The following DLGAP4 variants were observed in gnomAD, a reference collection of about 807,000 sequenced individuals.
DLGAP4 encodes DLG associated protein 4.
DLGAP4 carries 18 observed loss-of-function variants against 86.9 expected under a neutral mutation model. The ratio of observed to expected loss-of-function variants is 0.21; its 90% CI spans 0.14 to 0.31. The LOEUF (loss-of-function observed/expected upper bound fraction) is 0.31. Ranked by LOEUF, DLGAP4 falls within the 10% of genes least tolerant of loss-of-function variation. The pLI is 1.00. For synonymous variants in DLGAP4, 548 were observed against 574.3 expected (o/e 0.95, Z 0.65); for missense variants, 1,085 against 1,362.6 (o/e 0.80, Z 3.21).
At chr20:36,451,335 T>C (rs1305346521) in intron 7 of DLGAP4, among the ~76,000 whole-genome samples, 2 of 152,196 alleles carry the variant, frequency 1.3e-5, no homozygotes, top group East Asian at 1.9e-4. Context: ...TAGTAGCATC[T>C]GCTACCTGGT....
intron 7 of DLGAP4, among the ~76,000 whole-genome samples, chr20:36,457,151 G>A (rs971264797): frequency 2.0e-5 from 3 of 152,142 alleles, no homozygotes; most frequent in African/African-American, 7.2e-5. Context: ...GTGGCAGAGT[G>A]CAGGGAGGGG....
chr20:36,436,680 G>A (rs1329478030), intron 4 of DLGAP4, among the ~76,000 whole-genome samples: 1 of 152,180 alleles, frequency 6.6e-6, no homozygotes, highest in Admixed American at 6.5e-5. Flanking sequence ...AGCTGGGTTG[G>A]CGGCAGGCGC....
intron 7 of DLGAP4, among the ~76,000 whole-genome samples, chr20:36,492,119 G>A (rs2035689725): frequency 6.6e-6 from 1 of 152,222 alleles, no homozygotes; most frequent in Non-Finnish European, 1.5e-5. Flanking sequence ...CCCAGCGGGG[G>A]AGGAAGTGGC....
intron 1 of DLGAP4, among the ~76,000 whole-genome samples, chr20:36,354,051 G>T (rs1192450829): frequency 6.6e-6 from 1 of 152,230 alleles, no homozygotes; most frequent in African/African-American, 2.4e-5. Context: ...GCCAGCAGGG[G>T]TCAGGTGGGG....
intron 2 of DLGAP4, among the ~76,000 whole-genome samples, chr20:36,367,728 A>T (rs1240120101): frequency 6.6e-6 from 1 of 152,098 alleles, no homozygotes; most frequent in Non-Finnish European, 1.5e-5. Context: ...GGGGCCCTAC[A>T]TTCCTGCCCC....
chr20:36,332,469 A>G (rs556778527), intron 1 of DLGAP4, among the ~76,000 whole-genome samples: 58 of 152,142 alleles, frequency 3.8e-4, no homozygotes, highest in Non-Finnish European at 7.2e-4. Context: ...TGTTCACTGC[A>G]ACCTCTGCCT....
intron 2 of DLGAP4, among the ~76,000 whole-genome samples, chr20:36,367,941 C>G (rs2030755710): frequency 6.6e-6 from 1 of 152,244 alleles, no homozygotes; most frequent in Non-Finnish European, 1.5e-5. Context: ...GAAACAGAGG[C>G]TCAACCAGGT....
intron 2 of DLGAP4, among the ~76,000 whole-genome samples, chr20:36,390,937 C>T (rs1316215437): frequency 3.9e-5 from 6 of 152,060 alleles, no homozygotes; most frequent in African/African-American, 1.4e-4. Context: ...TGGGACCTGA[C>T]CTTGATCCAA....
intron 7 of DLGAP4, among the ~76,000 whole-genome samples, chr20:36,471,053 A>G (rs1404523080): frequency 1.3e-5 from 2 of 152,074 alleles, no homozygotes; most frequent in East Asian, 3.9e-4. Context: ...GTATTTTTTA[A>G]TTGCCTTCTT....
intron 7 of DLGAP4, among the ~76,000 whole-genome samples, chr20:36,451,209 T>C (rs934972375): frequency 6.6e-6 from 1 of 152,224 alleles, no homozygotes; most frequent in Non-Finnish European, 1.5e-5. Context: ...TAACTTCGAG[T>C]GCCAAAAGCC....
chr20:36,307,435 C>G (rs1233001203), intron 1 of DLGAP4, among the ~76,000 whole-genome samples: 5 of 152,236 alleles, frequency 3.3e-5, no homozygotes, highest in African/African-American at 1.2e-4. Flanking sequence ...CTCCATCCCT[C>G]CATCCCTCCG....
In DLGAP4 at chr20:36,451,747, A is replaced by C. The variant is rs551755658; in HGVS notation, c.1648+4810A>C. Reference sequence around the variant, plus strand: ...CTTAACTGGCCATGACCTTGGTTTCATCTTTGCCCTGAGGCTGTATTTTTT... The same window carrying C: ...CTTAACTGGCCATGACCTTGGTTTCCTCTTTGCCCTGAGGCTGTATTTTTT... On this transcript the variant is annotated intron_variant, in intron 7 of 12. Coordinates refer to ENST00000339266, the MANE Select transcript of DLGAP4 (RefSeq NM_001365621.2). Among the ~76,000 whole-genome samples the C allele has an allele frequency of 2.0e-5, 3 of 148,304 alleles. No individual in the cohort carries two copies. The Admixed American group carries it at 2.0e-4, about 10-fold the overall frequency.
intron 1 of DLGAP4, among the ~76,000 whole-genome samples, chr20:36,318,904 G>C (rs1488768354): frequency 1.3e-5 from 2 of 152,166 alleles, no homozygotes; most frequent in African/African-American, 4.8e-5. Context: ...TTAGCACTTT[G>C]GGAGGCCAAG....
chr20:36,477,679 CT>C (rs2035007989), intron 7 of DLGAP4, among the ~76,000 whole-genome samples: 1 of 152,264 alleles, frequency 6.6e-6, no homozygotes, highest in Non-Finnish European at 1.5e-5. Flanking sequence ...CCTCAGCTTC[CT>C]CTTCTGGGAA....
chr20:36,495,432 A>G (rs1281454479), intron 7 of DLGAP4, among the ~76,000 whole-genome samples: 1 of 152,190 alleles, frequency 6.6e-6, no homozygotes, highest in African/African-American at 2.4e-5. Flanking sequence ...ATGGGCCCAG[A>G]CCAGGGTAGG....
chr20:36,449,301 T>C (rs950386577), intron 7 of DLGAP4, among the ~76,000 whole-genome samples: 3 of 152,220 alleles, frequency 2.0e-5, no homozygotes, highest in Non-Finnish European at 4.4e-5. Context: ...GCATCTTGGG[T>C]AGAATCCTCT....
chr20:36,331,980 C>T (rs1409109414), intron 1 of DLGAP4, among the ~76,000 whole-genome samples: 1 of 127,650 alleles, frequency 7.8e-6, no homozygotes, highest in Non-Finnish European at 1.7e-5. Context: ...GAGTCGGGGG[C>T]GGGTAGGGGG....
chr20:36,361,167 G>A (rs1396460623), intron 1 of DLGAP4, among the ~76,000 whole-genome samples: 7 of 152,272 alleles, frequency 4.6e-5, no homozygotes, highest in Admixed American at 2.6e-4. Context: ...AGAGTCTTGC[G>A]GAGAGGAGAA....
At chr20:36,408,839 A>G (rs1438139490) in intron 2 of DLGAP4, among the ~76,000 whole-genome samples, 1 of 152,228 alleles carries the variant, frequency 6.6e-6, no homozygotes, top group East Asian at 1.9e-4. Context: ...AAACAGAAAA[A>G]GGACGTTAAT....
Sources: allele counts gnomAD v4.1 joint callset (sites outside exome capture counted in the v4.1 genomes callset), GRCh38; gene constraint gnomAD v4.1.1; transcripts MANE v1.5; gene names NCBI Gene and HGNC (gene_info 2026-07-23, HGNC 2026-07-21).